Variants in PFKFB3 observed in about 807,000 individuals in gnomAD.
PFKFB3 encodes 6-phosphofructo-2-kinase/fructose-2,6-bisphosphatase 3.
PFKFB3 carries 33 observed loss-of-function variants against 68.0 expected under a neutral mutation model. The ratio of observed to expected loss-of-function variants is 0.49; its 90% CI spans 0.37 to 0.65. The LOEUF (loss-of-function observed/expected upper bound fraction) is 0.65. PFKFB3 is among the 30% of genes least tolerant of loss of function. PFKFB3 has a pLI of 0.00. For missense variants in PFKFB3, 586 were observed against 712.2 expected, an observed-to-expected ratio of 0.82 and a Z score of 2.02; for synonymous variants, 315 against 288.2, an observed-to-expected ratio of 1.09 and a Z score of -0.94.
intron 1 of PFKFB3, among the ~76,000 whole-genome samples, chr10:6,182,510 G>T (rs1002301715): frequency 1.3e-5 from 2 of 152,314 alleles, no homozygotes; most frequent in East Asian, 1.9e-4. Context: ...GTCCCAGGCC[G>T]ATCCCTTCGC....
At chr10:6,226,447 GT>G in intron 14 of PFKFB3, 82 bp downstream of exon 14, 1 of 1,411,086 alleles carries the variant, frequency 7.1e-7, no homozygotes, top group East Asian at 2.3e-5. Flanking sequence ...GTGCGTGTGT[GT>G]TTGCAAGAAT....
chr10:6,273,447 A>C, the PFKFB3 span, among the ~76,000 whole-genome samples: 1 of 151,952 alleles, frequency 6.6e-6, no homozygotes, highest in African/African-American at 2.4e-5. Flanking sequence ...GGCCCTTTAC[A>C]GTGTATAAAG....
Position 6,233,226 on chromosome 10 carries a change from A to G in PFKFB3, c.*284A>G. On this transcript the variant is annotated 3_prime_UTR_variant, in exon 15 of 15. Coordinates refer to ENST00000379775, the MANE Select transcript of PFKFB3 (RefSeq NM_004566.4). ...TGTCCAGCCTCGGAGACCTTCACAA[A>G]GCCTTGGGAGGGTGATGAGTGCTGG... 1 of 417,744 alleles carries G rather than the reference A, an allele frequency of 2.4e-6. No homozygotes were observed. Among genetic ancestry groups the G allele is most frequent in the Non-Finnish European group, 4.4e-6 (1 of 228,970 alleles). 25.9% of individuals were successfully genotyped at this position (417,744 alleles called of 1,614,324 possible).
In PFKFB3 at chr10:6,218,967, A is replaced by G. The variant is rs1296745830; in HGVS notation, c.499-602A>G. ...GAAATGCTGAGTTTCCCTAAAATCC[A>G]CCTGGTTTCTGGGGCCTGTGCCACT... On this transcript the variant is annotated intron_variant, in intron 6 of 14. Coordinates refer to ENST00000379775, the MANE Select transcript of PFKFB3 (RefSeq NM_004566.4). Among the ~76,000 whole-genome samples the G allele has an allele frequency of 2.6e-5, 4 of 152,304 alleles. No homozygotes were observed. In the East Asian group the frequency reaches 7.7e-4, roughly 29 times the overall value.
intron 1 of PFKFB3, among the ~76,000 whole-genome samples, chr10:6,160,009 TGAG>T (rs1841927611): frequency 6.6e-6 from 1 of 151,926 alleles, no homozygotes; most frequent in African/African-American, 2.4e-5. Flanking sequence ...TCCTCCCGCC[TGAG>T]CCTCTCAAAG....
intron 1 of PFKFB3, among the ~76,000 whole-genome samples, chr10:6,169,233 C>T (rs1470869761): frequency 2.6e-5 from 4 of 152,204 alleles, no homozygotes; most frequent in African/African-American, 7.2e-5. Context: ...TGAGCCACCG[C>T]GCCCAGTCTT....
intron 1 of PFKFB3, among the ~76,000 whole-genome samples, chr10:6,161,529 G>T (rs1841969339): frequency 6.6e-6 from 1 of 150,626 alleles, no homozygotes; most frequent in African/African-American, 2.5e-5. Flanking sequence ...TTGAGTCATA[G>T]ATATATACAC....
rs188624660 is a variant in PFKFB3 at position 6,232,950 on chromosome 10, G to A, written c.*8G>A. The A allele has an allele frequency of 1.0e-4, 163 of 1,608,648 alleles. 1 individual carries two copies. Among genetic ancestry groups the A allele is most frequent in the Middle Eastern group, 5.0e-4 (3 of 6,048 alleles). On this transcript the variant is annotated 3_prime_UTR_variant, in exon 15 of 15. Transcript: ENST00000379775. Reference sequence around the variant, plus strand: ...TCCTCCAGGAAACACTGAGGCAGACGTGTCGGTTCCATTCCATTTCCATTT... The same window carrying A: ...TCCTCCAGGAAACACTGAGGCAGACATGTCGGTTCCATTCCATTTCCATTT...
At position 6,221,361 on chromosome 10, in the gene PFKFB3, C is replaced by A. The variant is rs1588514758; in HGVS notation, c.832-20C>A. ...GCTGCGGGCATCTGGAATCAGTGGT[C>A]CCCCTCCACCACCTCTCAGTTTGCC... On this transcript the variant is annotated intron_variant, in intron 8 of 14. Transcript: ENST00000379775. 1.9e-6 allele frequency: 3 copies of A among 1,612,756 alleles called. No individual in the cohort carries two copies. The highest frequency in any genetic ancestry group is 1.1e-5 in the South Asian group (1 of 90,994).
At chr10:6,189,696 G>C (rs896184121) in intron 1 of PFKFB3, among the ~76,000 whole-genome samples, 13 of 151,862 alleles carry the variant, frequency 8.6e-5, no homozygotes, top group Admixed American at 2.6e-4. Context: ...TGTATTTTTA[G>C]TAGTGATGGG....
chr10:6,243,258 C>T (rs191794979), intron 14 of PFKFB3, among the ~76,000 whole-genome samples: 22 of 152,236 alleles, frequency 1.4e-4, no homozygotes, highest in East Asian at 3.9e-4. Context: ...TCGGAACTGC[C>T]GCACGTCCCA....
intron 14 of PFKFB3, among the ~76,000 whole-genome samples, chr10:6,251,312 G>A (rs775501978): frequency 4.6e-5 from 7 of 152,162 alleles, no homozygotes; most frequent in South Asian, 2.1e-4. Flanking sequence ...AGACTCAGCC[G>A]TCATCTCCAG....
chr10:6,253,150 C>T (rs905370725), intron 14 of PFKFB3, among the ~76,000 whole-genome samples: 6 of 152,280 alleles, frequency 3.9e-5, no homozygotes, highest in Admixed American at 3.9e-4. Context: ...GAACTCCTGA[C>T]CTTGTGATCC....
intron 1 of PFKFB3, among the ~76,000 whole-genome samples, chr10:6,165,027 G>A (rs962251661): frequency 6.6e-6 from 1 of 151,630 alleles, no homozygotes; most frequent in Non-Finnish European, 1.5e-5. Context: ...CTACTTCTCA[G>A]TACAGACCCT....
chr10:6,211,762 C>T (rs558903798), intron 1 of PFKFB3, among the ~76,000 whole-genome samples: 1 of 152,320 alleles, frequency 6.6e-6, no homozygotes, highest in Non-Finnish European at 1.5e-5. Flanking sequence ...AGCATGGCAG[C>T]CCAGGGCTTT....
chr10:6,312,115 G>C, the PFKFB3 span, among the ~76,000 whole-genome samples: 6 of 151,984 alleles, frequency 3.9e-5, no homozygotes, highest in African/African-American at 1.2e-4. Flanking sequence ...GGCAAGCGGG[G>C]CTGTGCTTAG....
At chr10:6,245,597 A>G (rs1036148690) in intron 14 of PFKFB3, 1 of 151,956 alleles carries the variant, frequency 6.6e-6, no homozygotes, top group South Asian at 2.1e-4. Context: ...TTGTATTTTT[A>G]GTAGAGACTA....
intron 4 of PFKFB3, among the ~76,000 whole-genome samples, 175 bp downstream of exon 4, chr10:6,216,366 C>T (rs1057086965): frequency 1.3e-5 from 2 of 152,164 alleles, no homozygotes; most frequent in Non-Finnish European, 2.9e-5. Context: ...GGGACCCACC[C>T]CCTCTGTGGC....
At chr10:6,179,485 G>C (rs2131780525) in intron 1 of PFKFB3, among the ~76,000 whole-genome samples, 1 of 152,366 alleles carries the variant, frequency 6.6e-6, no homozygotes, top group South Asian at 2.1e-4. Flanking sequence ...TGGAGCATGG[G>C]GGAGGCTGTA....
Sources: gnomAD v4.1 joint callset for allele counts (sites outside exome capture counted in the v4.1 genomes callset) on GRCh38, gnomAD v4.1.1 for gene constraint, MANE v1.5 for transcripts, NCBI Gene and HGNC (gene_info 2026-07-23, HGNC 2026-07-21) for gene names.